The following SLC22A23 variants were observed in gnomAD, a reference collection of about 807,000 sequenced individuals.
SLC22A23 encodes the protein ion transporter protein.
SLC22A23 carries 26 observed loss-of-function variants against 61.0 expected under a neutral mutation model. The ratio of observed to expected loss-of-function variants is 0.43; its 90% confidence interval spans 0.31 to 0.59. The LOEUF is 0.59. Ranked by LOEUF, SLC22A23 falls within the 20% of genes least tolerant of loss-of-function variation. The pLI, the probability that SLC22A23 is intolerant of heterozygous loss-of-function variation, is 0.11. For synonymous variants in SLC22A23, 430 were observed against 413.9 expected (o/e 1.04, Z -0.47); for missense variants, 796 against 934.7 (o/e 0.85, Z 1.94).
intron 8 of SLC22A23, chr6:3,284,792 G>A (rs1759817507): frequency 2.0e-6 from 2 of 1,012,570 alleles, no homozygotes; most frequent in Non-Finnish European, 2.9e-6. Context: ...AAGCATGTTG[G>A]CGCCGGGCCA....
At chr6:3,284,719 A>AGACAGCCG (rs1406350311) in intron 8 of SLC22A23, among the ~76,000 whole-genome samples, 1 of 152,220 alleles carries the variant, frequency 6.6e-6, no homozygotes, top group Non-Finnish European at 1.5e-5. Context: ...CTGGCAGCAC[A>AGACAGCCG]GACAGCCGGG....
At chr6:3,428,514 T>C (rs1242994575) in intron 1 of SLC22A23, among the ~76,000 whole-genome samples, 2 of 152,178 alleles carry the variant, frequency 1.3e-5, no homozygotes, top group Non-Finnish European at 2.9e-5. Flanking sequence ...GCACCTGAAC[T>C]CCATCCCAGC....
At chr6:3,361,927 T>C (rs1169970084) in intron 3 of SLC22A23, among the ~76,000 whole-genome samples, 1 of 151,956 alleles carries the variant, frequency 6.6e-6, no homozygotes, top group East Asian at 1.9e-4. Context: ...ATACTCCAAA[T>C]CCAACACCAC....
chr6:3,292,021 C>T (rs1760643830), intron 5 of SLC22A23: 1 of 135,046 alleles, frequency 7.4e-6, no homozygotes, highest in Non-Finnish European at 1.5e-5. Flanking sequence ...TAACTGAATT[C>T]TTCTAAGTGG....
chr6:3,413,996 C>T (rs971128174), intron 2 of SLC22A23, among the ~76,000 whole-genome samples: 4 of 152,238 alleles, frequency 2.6e-5, no homozygotes, highest in African/African-American at 9.6e-5. Flanking sequence ...CTTCTGGTTA[C>T]TCTAAGAGCA....
chr6:3,386,033 T>G lies in SLC22A23; in HGVS notation c.913+24155A>C, dbSNP rs1767282034. 6.6e-6 allele frequency among the ~76,000 whole-genome samples: 1 copy of G among 152,126 alleles called. No individual in the cohort carries two copies. Among genetic ancestry groups the G allele is most frequent in the Non-Finnish European group, 1.5e-5 (1 of 68,028 alleles). On this transcript the variant is annotated intron_variant, in intron 3 of 9. Transcript: ENST00000406686. This position sits in a 1 kb window ranked among gnomAD's most constrained non-coding sequence, Gnocchi z 4.4. ...AGGACGCTGCCAGATGTGACACATC[T>G]CACTCTAAATGATGCGGCTCTCAAA...
At chr6:3,447,477 G>A (rs1030086235) in intron 1 of SLC22A23, among the ~76,000 whole-genome samples, 2 of 152,052 alleles carry the variant, frequency 1.3e-5, no homozygotes, top group Admixed American at 6.5e-5. Flanking sequence ...TATGGAAGCT[G>A]AGCTGTCTAC....
chr6:3,403,768 G>C (rs1768601912), intron 3 of SLC22A23, among the ~76,000 whole-genome samples: 1 of 152,168 alleles, frequency 6.6e-6, no homozygotes, highest in Non-Finnish European at 1.5e-5. Flanking sequence ...TTCTAAAACT[G>C]GAAGTTACGT....
At chr6:3,273,596 C>A (rs1002343417) in intron 9 of SLC22A23, among the ~76,000 whole-genome samples, 184 bp from the exon 10 acceptor site, 1 of 152,252 alleles carries the variant, frequency 6.6e-6, no homozygotes, top group African/African-American at 2.4e-5. Context: ...CAAGGCCACT[C>A]TACGGCAGTG....
rs921323777 is a variant in SLC22A23, at chr6:3,327,015, G to C, written c.914-3013C>G. Reference sequence around the variant, plus strand: ...TGGATCGTTTCTGCTGGGAGGGACGGGGACTGCAGGTGGATCGTTTCTGCT... The same window carrying C: ...TGGATCGTTTCTGCTGGGAGGGACGCGGACTGCAGGTGGATCGTTTCTGCT... On this transcript the variant is annotated intron_variant, in intron 3 of 9. Coordinates refer to ENST00000406686, the MANE Select transcript of SLC22A23 (RefSeq NM_015482.2). The surrounding 1 kb of genome is among the most constrained non-coding windows in gnomAD (Gnocchi z 4.1). Among the ~76,000 whole-genome samples, 1 of 151,404 alleles carries C rather than the reference G, an allele frequency of 6.6e-6. No homozygotes were observed. Among genetic ancestry groups the C allele is most frequent in the Admixed American group, 6.6e-5 (1 of 15,190 alleles).
chr6:3,301,326 ATAT>A (rs1173807355), intron 4 of SLC22A23, among the ~76,000 whole-genome samples: 2 of 152,140 alleles, frequency 1.3e-5, no homozygotes, highest in Non-Finnish European at 2.9e-5. Context: ...ATTCATCTAG[ATAT>A]TATCATTTGA....
At chr6:3,388,431 C>A (rs1422178635) in intron 3 of SLC22A23, among the ~76,000 whole-genome samples, 1 of 152,162 alleles carries the variant, frequency 6.6e-6, no homozygotes, top group Non-Finnish European at 1.5e-5. Context: ...TGTGGAGAAA[C>A]TGAAACCCTT....
chr6:3,387,044 C>T lies in SLC22A23; in HGVS notation c.913+23144G>A, dbSNP rs564726174. ...CCTACTAACCTTTAAAAAATACACACGTTTAGAAGAGACAGCTTTTTGAGG... is the reference window on the plus strand; with the variant it reads ...CCTACTAACCTTTAAAAAATACACATGTTTAGAAGAGACAGCTTTTTGAGG... On this transcript the variant is annotated intron_variant, in intron 3 of 9. Coordinates refer to ENST00000406686, the MANE Select transcript of SLC22A23 (RefSeq NM_015482.2). The surrounding 1 kb of genome is among the most constrained non-coding windows in gnomAD (Gnocchi z 5.0). Among the ~76,000 whole-genome samples the T allele has an allele frequency of 2.0e-5, 3 of 152,372 alleles. No homozygotes were observed. Among genetic ancestry groups the T allele is most frequent in the Non-Finnish European group, 2.9e-5 (2 of 68,036 alleles).
At chr6:3,370,138 A>AT (rs201969452) in intron 3 of SLC22A23, among the ~76,000 whole-genome samples, 1,602 of 152,128 alleles carry the variant, frequency 0.011, 9 homozygotes, top group Non-Finnish European at 0.016. Context: ...CTGGTTGGGA[A>AT]TTTTTTTTCC....
intron 3 of SLC22A23, among the ~76,000 whole-genome samples, chr6:3,348,094 T>G (rs1050001049): frequency 9.9e-5 from 15 of 152,228 alleles, no homozygotes; most frequent in Non-Finnish European, 2.2e-4. Context: ...CTTATCTAGT[T>G]ACCTGCATGC....
chr6:3,291,443 G>A (rs767252570), intron 5 of SLC22A23: 1 of 152,204 alleles, frequency 6.6e-6, no homozygotes, highest in Admixed American at 6.5e-5. Flanking sequence ...GGCACAGAAG[G>A]GAGAAGGAGA....
intron 1 of SLC22A23, chr6:3,438,592 A>C (rs1251051190): frequency 6.8e-6 from 3 of 443,210 alleles, no homozygotes; most frequent in Non-Finnish European, 1.3e-5. Context: ...ATTATGGAAA[A>C]GGCTAGTTTG....
In SLC22A23 at chr6:3,342,194, C is replaced by T. The variant is rs778587275; in HGVS notation, c.914-18192G>A. Among the ~76,000 whole-genome samples, 1 of 152,044 alleles carries T rather than the reference C, an allele frequency of 6.6e-6. No homozygotes were observed. Among genetic ancestry groups the T allele is most frequent in the Non-Finnish European group, 1.5e-5 (1 of 68,016 alleles). On this transcript the variant is annotated intron_variant, in intron 3 of 9. Coordinates refer to ENST00000406686, the MANE Select transcript of SLC22A23 (RefSeq NM_015482.2). This position sits in a 1 kb window ranked among gnomAD's most constrained non-coding sequence, Gnocchi z 4.0. Reference sequence around the variant, plus strand: ...AAAATGAAAACTTATTCTCAGTTACCGTTTTGTTTCAAGATGGAAGCCTCA... The same window carrying T: ...AAAATGAAAACTTATTCTCAGTTACTGTTTTGTTTCAAGATGGAAGCCTCA...
At chr6:3,326,959 G>C (rs867516611) in intron 3 of SLC22A23, among the ~76,000 whole-genome samples, 49 of 152,156 alleles carry the variant, frequency 3.2e-4, no homozygotes, top group African/African-American at 9.7e-4. Context: ...CTTGAGTCCC[G>C]GCATCCATCA....
Sources: gnomAD v4.1 joint callset for allele counts (sites outside exome capture counted in the v4.1 genomes callset) on GRCh38, gnomAD v4.1.1 for gene constraint, Gnocchi (gnomAD v3.1) non-coding constraint, MANE v1.5 for transcripts, NCBI Gene and HGNC (gene_info 2026-07-23, HGNC 2026-07-21) for gene names.